Variants in PRKCH observed in about 807,000 individuals in gnomAD.
The protein encoded by PRKCH is protein kinase C eta type.
A neutral mutation model predicts 82.5 loss-of-function variants in PRKCH; 28 were observed. That is an observed-to-expected ratio of 0.34 (90% CI 0.25 to 0.47). The LOEUF (loss-of-function observed/expected upper bound fraction) is 0.47. Ranked by LOEUF, PRKCH falls within the 20% of genes least tolerant of loss-of-function variation. The pLI, the probability that PRKCH is intolerant of heterozygous loss-of-function variation, is 1.00. For synonymous variants in PRKCH, 322 were observed against 327.4 expected, an observed-to-expected ratio of 0.98 and a Z score of 0.18; for missense variants, 705 against 881.8, an observed-to-expected ratio of 0.80 and a Z score of 2.54.
At chr14:61,461,159 C>G (rs972635436) in intron 9 of PRKCH, among the ~76,000 whole-genome samples, 8 of 152,196 alleles carry the variant, frequency 5.3e-5, no homozygotes, top group Non-Finnish European at 1.5e-5. Flanking sequence ...CTCCTGCCCC[C>G]ATCCTCTGCT....
intron 10 of PRKCH, among the ~76,000 whole-genome samples, chr14:61,517,507 T>C (rs952448256): frequency 6.6e-6 from 1 of 152,196 alleles, no homozygotes; most frequent in Non-Finnish European, 1.5e-5. Flanking sequence ...TCTGTGTATT[T>C]GTATGACAGC....
At chr14:61,410,289 C>G (rs1882197051) in intron 2 of PRKCH, among the ~76,000 whole-genome samples, 1 of 152,078 alleles carries the variant, frequency 6.6e-6, no homozygotes, top group South Asian at 2.1e-4. Flanking sequence ...ATTAAAATAT[C>G]TCTTATGCAT....
intron 10 of PRKCH, among the ~76,000 whole-genome samples, chr14:61,512,680 A>T (rs548537696): frequency 6.6e-6 from 1 of 152,140 alleles, no homozygotes; most frequent in East Asian, 1.9e-4. Flanking sequence ...TTCCTGGCTG[A>T]CCTTTTAATT....
At chr14:61,462,140 G>A (rs540669498) in intron 9 of PRKCH, among the ~76,000 whole-genome samples, 11 of 152,300 alleles carry the variant, frequency 7.2e-5, no homozygotes, top group African/African-American at 2.6e-4. Context: ...CTGGGCGCAG[G>A]CAGCACTTTG....
intron 1 of PRKCH, among the ~76,000 whole-genome samples, chr14:61,238,377 CTGAGTGT>C (rs1403299065): frequency 6.6e-6 from 1 of 152,134 alleles, no homozygotes; most frequent in Non-Finnish European, 1.5e-5. Flanking sequence ...ATTAATCTGC[CTGAGTGT>C]TGCTTGAGGC....
chr14:61,347,150 A>G (rs1487571637), intron 1 of PRKCH, among the ~76,000 whole-genome samples: 1 of 152,172 alleles, frequency 6.6e-6, no homozygotes, highest in Non-Finnish European at 1.5e-5. Flanking sequence ...TGAAGTGAAA[A>G]TTCAGGAGAG....
At chr14:61,414,282 T>C (rs1345924575) in intron 2 of PRKCH, among the ~76,000 whole-genome samples, 1 of 151,834 alleles carries the variant, frequency 6.6e-6, no homozygotes, top group Non-Finnish European at 1.5e-5. Context: ...ATCTTTTTTT[T>C]TTTTTTTTGA....
rs546350391 is a variant in PRKCH at position 61,328,367 on chromosome 14, A to G, written c.363+5903A>G. Among the ~76,000 whole-genome samples, 7 of 151,762 alleles carry G rather than the reference A, an allele frequency of 4.6e-5. No homozygotes were observed. In the East Asian group the frequency reaches 1.3e-3, roughly 29 times the overall value. On this transcript the variant is annotated intron_variant, in intron 1 of 13. Transcript: ENST00000332981. ...ATGGAAAATTCCCTGCTCTTACGTCATTTTAAAAGACTATGATTTTAAAAC... is the reference window on the plus strand; with the variant it reads ...ATGGAAAATTCCCTGCTCTTACGTCGTTTTAAAAGACTATGATTTTAAAAC...
intron 1 of PRKCH, among the ~76,000 whole-genome samples, chr14:61,243,859 C>G (rs1157088341): frequency 1.3e-5 from 2 of 151,738 alleles, no homozygotes; most frequent in Non-Finnish European, 2.9e-5. Flanking sequence ...GCCTATAATC[C>G]CAGCACTTTG....
chr14:61,238,988 AAGCATATT>A (rs2044813041), intron 1 of PRKCH, among the ~76,000 whole-genome samples: 1 of 152,288 alleles, frequency 6.6e-6, no homozygotes, highest in East Asian at 1.9e-4. Context: ...CTTGCATATG[AAGCATATT>A]AGCTGCTGTA....
In PRKCH at chr14:61,481,990, C is replaced by CTTTTTTTT. The variant is rs35134897; in HGVS notation, c.1279-3496_1279-3489dup. Among the ~76,000 whole-genome samples, 35 of 101,076 alleles carry CTTTTTTTT rather than the reference C, an allele frequency of 3.5e-4. No homozygotes were observed. The East Asian group carries it at 6.0e-3, about 17-fold the overall frequency. 66.3% of individuals were successfully genotyped at this position (101,076 alleles called of 152,430 possible). A position where few individuals can be genotyped will look rare whatever the true frequency, so the allele number is the denominator to read the frequency against. Reference sequence around the variant, plus strand: ...GATGTGTGGGTCTTCTTTCCTTTTCCTTTTTTTTTTTTTTTTTTTTTTTGA... The same window carrying CTTTTTTTT: ...GATGTGTGGGTCTTCTTTCCTTTTCCTTTTTTTTTTTTTTTTTTTTTTTTTTTTTTTGA... On this transcript the variant is annotated intron_variant, in intron 9 of 13. Transcript: ENST00000332981.
chr14:61,329,877 G>T (rs1271233657), intron 1 of PRKCH, among the ~76,000 whole-genome samples: 1 of 152,188 alleles, frequency 6.6e-6, no homozygotes, highest in African/African-American at 2.4e-5. Flanking sequence ...TGGTCACAGG[G>T]AGTTCAGGGT....
chr14:61,307,878 G>T (rs142552931), intron 1 of PRKCH, among the ~76,000 whole-genome samples: 4 of 152,114 alleles, frequency 2.6e-5, no homozygotes, highest in African/African-American at 9.7e-5. Context: ...GCTCTGTCAC[G>T]CAGGCTGGAA....
At chr14:61,307,571 A>G (rs2045492755) in intron 1 of PRKCH, among the ~76,000 whole-genome samples, 1 of 152,246 alleles carries the variant, frequency 6.6e-6, no homozygotes, top group South Asian at 2.1e-4. Context: ...GCAGATACTC[A>G]GCTCTGATTC....
intron 1 of PRKCH, among the ~76,000 whole-genome samples, chr14:61,254,314 T>C (rs1160529117): frequency 2.0e-5 from 3 of 152,142 alleles, no homozygotes; most frequent in African/African-American, 7.2e-5. Flanking sequence ...GAAAAAGTCG[T>C]GATAAAAATC....
chr14:61,323,157 C>T (rs2045652415), intron 1 of PRKCH, among the ~76,000 whole-genome samples: 1 of 152,140 alleles, frequency 6.6e-6, no homozygotes, highest in Non-Finnish European at 1.5e-5. Context: ...AAGGACTCCT[C>T]AGGAGGTTGT....
chr14:61,248,870 C>T (rs112825570), intron 1 of PRKCH, among the ~76,000 whole-genome samples: 23,148 of 151,916 alleles, frequency 0.15, 1,770 homozygotes, highest in Admixed American at 0.21. Flanking sequence ...GGCTTGATCT[C>T]GGGTCACTGC....
chr14:61,367,177 G>A (rs2046307567), intron 1 of PRKCH, among the ~76,000 whole-genome samples: 1 of 152,024 alleles, frequency 6.6e-6, no homozygotes, highest in Admixed American at 6.6e-5. Flanking sequence ...GTGAGAGACA[G>A]GCAGATGAAG....
intron 12 of PRKCH, among the ~76,000 whole-genome samples, chr14:61,546,964 A>G (rs1203669410): frequency 6.6e-6 from 1 of 152,190 alleles, no homozygotes; most frequent in Non-Finnish European, 1.5e-5. Context: ...GCATATTTTG[A>G]TAGGAGCCCA....
Sources: allele counts gnomAD v4.1 joint callset (sites outside exome capture counted in the v4.1 genomes callset), GRCh38; gene constraint gnomAD v4.1.1; transcripts MANE v1.5; gene names NCBI Gene and HGNC (gene_info 2026-07-23, HGNC 2026-07-21).